The following PACRG variants were observed in gnomAD, a reference collection of about 807,000 sequenced individuals.
PACRG encodes parkin coregulated, also known as parkin coregulated gene protein.
In PACRG, 29 loss-of-function variants were observed where a neutral mutation model predicts 29.7. That is an observed-to-expected ratio of 0.98 (90% CI 0.73 to 1.33). PACRG has a LOEUF of 1.33. Among genes scored for constraint, PACRG ranks in the 40% most tolerant of loss-of-function variants. PACRG has a pLI of 0.00. For synonymous variants in PACRG, 116 were observed against 118.7 expected, an observed-to-expected ratio of 0.98 and a Z score of 0.15; for missense variants, 279 against 316.2, an observed-to-expected ratio of 0.88 and a Z score of 0.89.
chr6:162,779,965 C>T (rs1181966737), intron 1 of PACRG, among the ~76,000 whole-genome samples: 1 of 152,196 alleles, frequency 6.6e-6, no homozygotes, highest in African/African-American at 2.4e-5. Flanking sequence ...GCCTAGCTGT[C>T]TCCTTGAGTT....
intron 4 of PACRG, among the ~76,000 whole-genome samples, chr6:163,194,694 T>C (rs968099725): frequency 6.6e-5 from 10 of 152,194 alleles, no homozygotes; most frequent in African/African-American, 2.2e-4. Flanking sequence ...CTCATCAAAA[T>C]AGCCTATTTG....
intron 1 of PACRG, among the ~76,000 whole-genome samples, chr6:162,809,502 G>C (rs1444967486): frequency 6.6e-6 from 1 of 152,168 alleles, no homozygotes. Context: ...TTGAAAGGAA[G>C]AAGTATAAGT....
chr6:162,740,234 C>T (rs547605248), intron 1 of PACRG, among the ~76,000 whole-genome samples: 4 of 152,168 alleles, frequency 2.6e-5, no homozygotes, highest in East Asian at 1.9e-4. Flanking sequence ...TTAGAATAAG[C>T]GGTCAAGTTT....
rs112019716 is a variant in PACRG at position 162,777,420 on chromosome 6, C to T, written c.157-36727C>T. 5.5e-3 allele frequency among the ~76,000 whole-genome samples: 830 copies of T among 152,264 alleles called. 4 individuals are homozygous for T. Among genetic ancestry groups the T allele is most frequent in the African/African-American group, 0.019 (778 of 41,532 alleles). On this transcript the variant is annotated intron_variant, in intron 1 of 4. Transcript: ENST00000366888. This position sits in a 1 kb window ranked among gnomAD's most constrained non-coding sequence, Gnocchi z 4.0. ...ACTGCCATTTCCAACATTTTCATTC[C>T]GGATTTCAGAATTCCCATCACACCA...
intron 4 of PACRG, among the ~76,000 whole-genome samples, chr6:163,289,696 G>T (rs1462910558): frequency 6.6e-6 from 1 of 152,124 alleles, no homozygotes; most frequent in Non-Finnish European, 1.5e-5. Context: ...GTCCAGGAGG[G>T]AGTTATTCTG....
intron 2 of PACRG, among the ~76,000 whole-genome samples, chr6:162,988,407 C>T (rs769606407): frequency 3.9e-5 from 6 of 152,062 alleles, no homozygotes; most frequent in Non-Finnish European, 8.8e-5. Context: ...GAGACAGTAG[C>T]AATGAAGCCG....
In PACRG at chr6:163,032,642, A is replaced by C. The variant is rs1438201492; in HGVS notation, c.292-29508A>C. On this transcript the variant is annotated intron_variant, in intron 2 of 4. Transcript: ENST00000366888. ...TATAATTTTAGAAGACATACCAATA[A>C]CATTTATACAAATACAGCCCAAAGA... is the stretch of plus-strand genomic sequence containing the variant. Among the ~76,000 whole-genome samples the C allele has an allele frequency of 2.0e-5, 3 of 152,216 alleles. No individual in the cohort carries two copies. The East Asian group carries it at 5.8e-4, about 29-fold the overall frequency.
chr6:162,926,261 A>G (rs1360573347), intron 2 of PACRG, among the ~76,000 whole-genome samples: 1 of 152,216 alleles, frequency 6.6e-6, no homozygotes, highest in African/African-American at 2.4e-5. Flanking sequence ...TGCTATTCTC[A>G]TAAAACTACC....
intron 2 of PACRG, among the ~76,000 whole-genome samples, chr6:163,054,354 T>A (rs929147234): frequency 6.6e-6 from 1 of 152,124 alleles, no homozygotes; most frequent in Non-Finnish European, 1.5e-5. Context: ...GGTGACTGTC[T>A]ACAAGCCAGG....
intron 1 of PACRG, among the ~76,000 whole-genome samples, chr6:162,763,909 A>T (rs937802259): frequency 2.0e-5 from 3 of 151,896 alleles, no homozygotes; most frequent in African/African-American, 7.3e-5. Flanking sequence ...ATTTTTAAAA[A>T]CTCGACTATC....
In PACRG at chr6:162,748,154, T is replaced by C. The variant is rs1168305645; in HGVS notation, c.156+19763T>C. ...TGTCATTAAAGAAAGTGGGTTGGAG[T>C]GAATCTGCTGAAACGTATTAAAATA... On this transcript the variant is annotated intron_variant, in intron 1 of 4. Coordinates refer to ENST00000366888, the MANE Select transcript of PACRG (RefSeq NM_001080379.2). 2.0e-5 allele frequency among the ~76,000 whole-genome samples: 3 copies of C among 151,986 alleles called. No homozygotes were observed. The East Asian group carries it at 5.8e-4, about 29-fold the overall frequency.
At chr6:162,800,347 A>G (rs551963608) in intron 1 of PACRG, among the ~76,000 whole-genome samples, 1 of 152,322 alleles carries the variant, frequency 6.6e-6, no homozygotes, top group African/African-American at 2.4e-5. Context: ...GCTGCCTATT[A>G]TTTTAAACAA....
chr6:162,903,379 C>T (rs183789847), intron 2 of PACRG, among the ~76,000 whole-genome samples: 75 of 152,142 alleles, frequency 4.9e-4, no homozygotes, highest in Admixed American at 1.2e-3. Flanking sequence ...TCTGTTTTCA[C>T]GCTGCTGATA....
intron 2 of PACRG, among the ~76,000 whole-genome samples, chr6:162,958,882 TATAGAGAGAGAGAGAG>T (rs1472386576): frequency 3.5e-3 from 53 of 15,094 alleles, no homozygotes; most frequent in African/African-American, 0.01. Flanking sequence ...TATATATATA[TATAGAGAGAGAGAGAG>T]AGAGAGAGAG....
At chr6:162,756,937 A>G (rs1056005654) in intron 1 of PACRG, among the ~76,000 whole-genome samples, 4 of 152,126 alleles carry the variant, frequency 2.6e-5, no homozygotes, top group Non-Finnish European at 5.9e-5. Flanking sequence ...TTTACAATAC[A>G]ACCTTTATCA....
At chr6:162,787,583 TA>T (rs1424877623) in intron 1 of PACRG, among the ~76,000 whole-genome samples, 1 of 17,256 alleles carries the variant, frequency 5.8e-5, no homozygotes, top group African/African-American at 1.5e-4. Flanking sequence ...TGTGTGTGTG[TA>T]TATATATATA....
intron 4 of PACRG, among the ~76,000 whole-genome samples, chr6:163,179,943 G>T (rs766368047): frequency 6.6e-6 from 1 of 152,210 alleles, no homozygotes; most frequent in East Asian, 1.9e-4. Flanking sequence ...CAGTGTCCCA[G>T]CCGAGCCCTC....
At chr6:162,969,716 C>T (rs142514320) in intron 2 of PACRG, among the ~76,000 whole-genome samples, 9 of 152,236 alleles carry the variant, frequency 5.9e-5, no homozygotes, top group Non-Finnish European at 1.3e-4. Flanking sequence ...TGCTCTTTCC[C>T]GTGACTTAGG....
chr6:162,887,989 A>G (rs1482724827), intron 2 of PACRG, among the ~76,000 whole-genome samples: 2 of 152,162 alleles, frequency 1.3e-5, no homozygotes, highest in Non-Finnish European at 2.9e-5. Flanking sequence ...AGTTCCCAGC[A>G]GGTTCAGTGT....
Sources: gnomAD v4.1 joint callset for allele counts (sites outside exome capture counted in the v4.1 genomes callset) on GRCh38, gnomAD v4.1.1 for gene constraint, Gnocchi (gnomAD v3.1) non-coding constraint, MANE v1.5 for transcripts, NCBI Gene and HGNC (gene_info 2026-07-23, HGNC 2026-07-21) for gene names.